Variants in COL25A1 observed in about 807,000 individuals in gnomAD.
COL25A1 encodes collagen alpha-1(XXV) chain.
Under a neutral mutation model 128.4 loss-of-function variants are expected in COL25A1, and 103 were observed. The observed-to-expected ratio is 0.80, with a 90% confidence interval of 0.68 to 0.94. The LOEUF is 0.94. COL25A1 is among the 40% of genes least tolerant of loss of function. The pLI is 0.00. For missense variants in COL25A1, 745 were observed against 840.0 expected, an observed-to-expected ratio of 0.89 and a Z score of 1.40; for synonymous variants, 279 against 277.2, an observed-to-expected ratio of 1.01 and a Z score of -0.06.
At chr4:109,145,052 C>A (rs1273898455) in intron 3 of COL25A1, among the ~76,000 whole-genome samples, 1 of 147,818 alleles carries the variant, frequency 6.8e-6, no homozygotes, top group Non-Finnish European at 1.5e-5. Context: ...CAAAATTTTT[C>A]AACTAAAACC....
chr4:109,210,143 G>A (rs369204358), intron 3 of COL25A1, among the ~76,000 whole-genome samples: 42 of 149,420 alleles, frequency 2.8e-4, no homozygotes, highest in African/African-American at 1.0e-3. Context: ...ATTTGGGAAG[G>A]GAAAAGGGAG....
At position 109,202,877 on chromosome 4, in the gene COL25A1, G is replaced by C. The variant is rs764583474; in HGVS notation, c.367+97706C>G. Among the ~76,000 whole-genome samples the C allele has an allele frequency of 3.3e-5, 5 of 152,218 alleles. No homozygotes were observed. In the East Asian group the frequency reaches 5.8e-4, roughly 18 times the overall value. Reference sequence around the variant, plus strand: ...TATATCTTATAAAGATAGATAAGTGGCGAGAGGGATATCTACATCTGTACA... The same window carrying C: ...TATATCTTATAAAGATAGATAAGTGCCGAGAGGGATATCTACATCTGTACA... On this transcript the variant is annotated intron_variant, in intron 3 of 37. Transcript: ENST00000399132.
At chr4:109,003,595 G>T (rs997059394) in intron 6 of COL25A1, among the ~76,000 whole-genome samples, 1 of 152,224 alleles carries the variant, frequency 6.6e-6, no homozygotes, top group Non-Finnish European at 1.5e-5. Context: ...GAGGTCAGGA[G>T]TTCGAGACCA....
At chr4:109,050,086 A>G in intron 4 of COL25A1, 49 bp downstream of exon 4, 1 of 1,506,218 alleles carries the variant, frequency 6.6e-7, no homozygotes, top group South Asian at 1.2e-5. Flanking sequence ...CAGATGCCGG[A>G]ACTTAACCAG....
At chr4:109,070,150 C>T (rs191382360) in intron 3 of COL25A1, among the ~76,000 whole-genome samples, 6 of 151,156 alleles carry the variant, frequency 4.0e-5, no homozygotes, top group African/African-American at 1.5e-4. Flanking sequence ...CCCGGCTACT[C>T]GGGAGGCTGA....
chr4:109,267,507 C>T (rs958318335), intron 3 of COL25A1, among the ~76,000 whole-genome samples: 28 of 152,168 alleles, frequency 1.8e-4, no homozygotes, highest in African/African-American at 6.0e-4. Flanking sequence ...TCCCATCAAA[C>T]TAAATGCATT....
At position 109,061,450 on chromosome 4, in the gene COL25A1, T is replaced by C. The variant is rs185349815; in HGVS notation, c.368-11271A>G. On this transcript the variant is annotated intron_variant, in intron 3 of 37. Transcript: ENST00000399132. Reference sequence around the variant, plus strand: ...TAGGAATAGATTTCATACTTCAAACTATAGTTTAAGGAGGAGCTGCTATTT... The same window carrying C: ...TAGGAATAGATTTCATACTTCAAACCATAGTTTAAGGAGGAGCTGCTATTT... 2.6e-5 allele frequency among the ~76,000 whole-genome samples: 4 copies of C among 152,342 alleles called. No individual in the cohort carries two copies. In the East Asian group the frequency reaches 7.7e-4, roughly 29 times the overall value.
chr4:109,247,851 A>G (rs151012131), intron 3 of COL25A1, among the ~76,000 whole-genome samples: 42 of 152,310 alleles, frequency 2.8e-4, no homozygotes, highest in African/African-American at 1.0e-3. Flanking sequence ...GACAAGATCC[A>G]AGTAAAACAT....
At chr4:109,179,329 C>T (rs1774413604) in intron 3 of COL25A1, among the ~76,000 whole-genome samples, 1 of 152,210 alleles carries the variant, frequency 6.6e-6, no homozygotes, top group Non-Finnish European at 1.5e-5. Flanking sequence ...GCTGTTTGGG[C>T]AGCTCCCACC....
At chr4:109,186,689 T>C (rs1459524469) in intron 3 of COL25A1, among the ~76,000 whole-genome samples, 2 of 152,130 alleles carry the variant, frequency 1.3e-5, no homozygotes, top group African/African-American at 2.4e-5. Context: ...AAAGAGACAA[T>C]AAAATGTAGA....
chr4:108,982,450 A>G (rs1578972716), intron 6 of COL25A1, among the ~76,000 whole-genome samples: 1 of 152,196 alleles, frequency 6.6e-6, no homozygotes, highest in Non-Finnish European at 1.5e-5. Context: ...CACCCGTAGC[A>G]TAGAGTAGGT....
rs183021287 is a variant in COL25A1 at position 108,990,187 on chromosome 4, G to A, written c.439-15628C>T. Among the ~76,000 whole-genome samples, 531 of 103,784 alleles carry A rather than the reference G, an allele frequency of 5.1e-3. 6 individuals carry two copies. The highest frequency in any genetic ancestry group is 0.021 in the African/African-American group (502 of 24,214). 68.1% of individuals were successfully genotyped at this position (103,784 alleles called of 152,430 possible). ...AGATCACACCATTGCACTCCAGCCTGGGCAACAAGAGCAAAACTCCATCTC... is the reference window on the plus strand; with the variant it reads ...AGATCACACCATTGCACTCCAGCCTAGGCAACAAGAGCAAAACTCCATCTC... On this transcript the variant is annotated intron_variant, in intron 6 of 37. Coordinates refer to ENST00000399132, the MANE Select transcript of COL25A1 (RefSeq NM_198721.4).
At chr4:109,022,365 C>G (rs752777059) in intron 5 of COL25A1, among the ~76,000 whole-genome samples, 4 of 149,018 alleles carry the variant, frequency 2.7e-5, no homozygotes, top group Non-Finnish European at 4.4e-5. Context: ...ATCAGTGAGG[C>G]AGTGGAATCA....
chr4:109,193,534 A>G (rs1446117485), intron 3 of COL25A1, among the ~76,000 whole-genome samples: 2 of 152,216 alleles, frequency 1.3e-5, no homozygotes, highest in Non-Finnish European at 2.9e-5. Context: ...GCTTGCAGGC[A>G]AAGTGAAGAG....
intron 3 of COL25A1, among the ~76,000 whole-genome samples, chr4:109,225,612 A>G (rs954191026): frequency 6.6e-6 from 1 of 152,184 alleles, no homozygotes; most frequent in African/African-American, 2.4e-5. Context: ...ATATACCCCA[A>G]AGAAAAGAAA....
chr4:108,926,402 G>T lies in COL25A1; in HGVS notation c.709-5798C>A, dbSNP rs566268481. On this transcript the variant is annotated intron_variant, in intron 11 of 37. Coordinates refer to ENST00000399132, the MANE Select transcript of COL25A1 (RefSeq NM_198721.4). ...AACAAAAAAGAGGTGGTCCATCTGTGAAGGGGAGGATAAAAGCCCAAAACT... is the reference window on the plus strand; with the variant it reads ...AACAAAAAAGAGGTGGTCCATCTGTTAAGGGGAGGATAAAAGCCCAAAACT... Among the ~76,000 whole-genome samples, 40 of 152,298 alleles carry T rather than the reference G, an allele frequency of 2.6e-4. No individual in the cohort carries two copies. The South Asian group carries it at 8.3e-3, about 32-fold the overall frequency.
chr4:109,195,774 A>G (rs2126170758), intron 3 of COL25A1, among the ~76,000 whole-genome samples: 1 of 152,310 alleles, frequency 6.6e-6, no homozygotes. Context: ...TCAAACCCAC[A>G]TGCATCCACC....
intron 3 of COL25A1, among the ~76,000 whole-genome samples, chr4:109,153,718 CAACT>C (rs1771747846): frequency 6.6e-6 from 1 of 152,138 alleles, no homozygotes; most frequent in Non-Finnish European, 1.5e-5. Flanking sequence ...AGTGATTACT[CAACT>C]AACACTGACT....
chr4:109,276,304 C>CA (rs1175383344), intron 3 of COL25A1, among the ~76,000 whole-genome samples: 1 of 150,920 alleles, frequency 6.6e-6, no homozygotes, highest in Non-Finnish European at 1.5e-5. Flanking sequence ...CCCAGCTACT[C>CA]AGGAGGCTGA....
Sources: gnomAD v4.1 joint callset for allele counts (sites outside exome capture counted in the v4.1 genomes callset) on GRCh38, gnomAD v4.1.1 for gene constraint, MANE v1.5 for transcripts, NCBI Gene and HGNC (gene_info 2026-07-23, HGNC 2026-07-21) for gene names.